Variants in STPG2 observed in about 807,000 individuals in gnomAD.
The protein encoded by STPG2 is sperm tail PG-rich repeat containing 2, also known as sperm-tail PG-rich repeat-containing protein 2.
In STPG2, 56 loss-of-function variants were observed where a neutral mutation model predicts 54.2. The observed-to-expected ratio is 1.03, with a 90% CI of 0.83 to 1.29. The LOEUF is 1.29. Among genes scored for constraint, STPG2 ranks in the 50% most tolerant of loss-of-function variants. The probability of loss-of-function intolerance (pLI) is 0.00; values close to 1 mark genes in which losing one functional copy is unlikely to be tolerated. For missense variants in STPG2, 596 were observed against 544.9 expected (o/e 1.09, Z -0.93); for synonymous variants, 200 against 181.8 (o/e 1.10, Z -0.81).
chr4:97,644,929 G>A (rs1332221827), intron 10 of STPG2, among the ~76,000 whole-genome samples: 1 of 151,952 alleles, frequency 6.6e-6, no homozygotes, highest in Non-Finnish European at 1.5e-5. Flanking sequence ...TTTGGATGCT[G>A]TTATTTTTTC....
In STPG2 at chr4:98,018,702, C is replaced by A. The variant is rs28794840; in HGVS notation, c.613-37384G>T. On this transcript the variant is annotated intron_variant, in intron 5 of 10. Transcript: ENST00000295268. ...CTATTGTTTCCTGACTTTTGAATGA[C>A]TGCCATTCTAAATGGTGTGAGATGG... is the stretch of plus-strand genomic sequence containing the variant. Among the ~76,000 whole-genome samples, 5 of 149,962 alleles carry A rather than the reference C, an allele frequency of 3.3e-5. No individual in the cohort carries two copies. In the South Asian group the frequency reaches 1.1e-3, roughly 32 times the overall value.
chr4:97,594,842 T>C (rs1332563407), intron 10 of STPG2, among the ~76,000 whole-genome samples: 1 of 152,210 alleles, frequency 6.6e-6, no homozygotes, highest in African/African-American at 2.4e-5. Flanking sequence ...TATTCAGTAT[T>C]CTTAAAATGC....
intron 6 of STPG2, 79 bp from the exon 7 acceptor site, chr4:97,972,519 A>G (rs1362970010): frequency 1.2e-6 from 1 of 847,634 alleles, no homozygotes. Context: ...TTTTTAATTA[A>G]GGGTTTTTTT....
chr4:97,933,880 G>GT (rs1732645393), intron 8 of STPG2, among the ~76,000 whole-genome samples: 1 of 152,142 alleles, frequency 6.6e-6, no homozygotes, highest in African/African-American at 2.4e-5. Flanking sequence ...GTTTAAAGTA[G>GT]TTTTTTCTAA....
intron 5 of STPG2, among the ~76,000 whole-genome samples, chr4:98,051,558 C>T (rs894010514): frequency 6.6e-6 from 1 of 152,058 alleles, no homozygotes; most frequent in African/African-American, 2.4e-5. Flanking sequence ...ATACTTTCCA[C>T]CATATTATGA....
At chr4:97,662,876 T>G (rs985344966) in intron 10 of STPG2, among the ~76,000 whole-genome samples, 9 of 152,068 alleles carry the variant, frequency 5.9e-5, no homozygotes, top group African/African-American at 1.7e-4. Flanking sequence ...TACCCCAAAC[T>G]TCAACATCAC....
rs918288255 is a variant in STPG2, at chr4:98,100,537, T to C, written c.612+5416A>G. ...AAGGACTTACTACCTATAACTCATT[T>C]TTATGTACCATCTATTGTAAGGGTG... On this transcript the variant is annotated intron_variant, in intron 5 of 10. Coordinates refer to ENST00000295268, the MANE Select transcript of STPG2 (RefSeq NM_174952.3). 1.6e-4 allele frequency among the ~76,000 whole-genome samples: 24 copies of C among 152,208 alleles called. 1 individual carries two copies. The highest frequency in any genetic ancestry group is 1.3e-3 in the Admixed American group (20 of 15,272).
chr4:98,069,559 G>GA (rs1483292644), intron 5 of STPG2, among the ~76,000 whole-genome samples: 1 of 151,916 alleles, frequency 6.6e-6, no homozygotes, highest in East Asian at 1.9e-4. Context: ...AAAAAAGCAT[G>GA]AAAAATAGAG....
At chr4:98,134,037 A>G (rs1740069699) in intron 2 of STPG2, among the ~76,000 whole-genome samples, 1 of 151,880 alleles carries the variant, frequency 6.6e-6, no homozygotes, top group Non-Finnish European at 1.5e-5. Flanking sequence ...TCTTCTACGC[A>G]TTTTTACTAT....
intron 9 of STPG2, among the ~76,000 whole-genome samples, chr4:97,808,133 G>A (rs960643613): frequency 4.6e-5 from 7 of 151,884 alleles, no homozygotes; most frequent in Non-Finnish European, 8.8e-5. Context: ...AGACTAAAGA[G>A]TATACCTCAG....
In STPG2 at chr4:97,848,592, G is replaced by A. The variant is rs1448016513; in HGVS notation, c.1045-7660C>T. Among the ~76,000 whole-genome samples, 7 of 152,058 alleles carry A rather than the reference G, an allele frequency of 4.6e-5. 1 individual carries two copies. On this transcript the variant is annotated intron_variant, in intron 8 of 10. Coordinates refer to ENST00000295268, the MANE Select transcript of STPG2 (RefSeq NM_174952.3). The stretch of plus-strand genomic sequence containing the variant: ...CTTATATTCTCTCAAGATATTGACT[G>A]TAGCTCCTGTCATAATGTTTTTATT...
chr4:97,906,128 T>G (rs1731406750), intron 8 of STPG2, among the ~76,000 whole-genome samples: 1 of 150,394 alleles, frequency 6.6e-6, no homozygotes, highest in Admixed American at 6.6e-5. Context: ...GCAAGACTAA[T>G]AAGGAAAAAA....
intron 10 of STPG2, among the ~76,000 whole-genome samples, chr4:97,682,260 T>A (rs1220027837): frequency 6.6e-6 from 1 of 151,840 alleles, no homozygotes; most frequent in Non-Finnish European, 1.5e-5. Context: ...CTGTGATAGC[T>A]TAGAATATTC....
At chr4:97,542,772 G>A (rs907587104) in intron 4 of STPG2, among the ~76,000 whole-genome samples, 12 of 152,024 alleles carry the variant, frequency 7.9e-5, no homozygotes, top group African/African-American at 1.4e-4. Flanking sequence ...AATATACACC[G>A]TAGAATACTA....
intron 9 of STPG2, among the ~76,000 whole-genome samples, chr4:97,751,067 AC>A (rs1725568279): frequency 6.6e-6 from 1 of 151,816 alleles, no homozygotes; most frequent in Non-Finnish European, 1.5e-5. Context: ...CCCAAGAAAG[AC>A]CTATCTAATG....
chr4:97,909,708 C>A (rs1370379690), intron 8 of STPG2, among the ~76,000 whole-genome samples: 3 of 151,854 alleles, frequency 2.0e-5, no homozygotes, highest in African/African-American at 7.3e-5. Flanking sequence ...ATAAGTAACC[C>A]AATAGATTTG....
intron 8 of STPG2, among the ~76,000 whole-genome samples, chr4:97,940,090 G>A (rs1732917543): frequency 6.6e-6 from 1 of 152,110 alleles, no homozygotes. Context: ...AAAATTCTTG[G>A]TTGAAGATTT....
intron 8 of STPG2, among the ~76,000 whole-genome samples, chr4:97,850,187 C>T (rs969530626): frequency 7.0e-5 from 10 of 141,968 alleles, no homozygotes; most frequent in South Asian, 2.2e-4. Context: ...AATCAAACAC[C>T]GCGTATTCTC....
At chr4:97,798,480 C>T (rs28796671) in intron 9 of STPG2, among the ~76,000 whole-genome samples, 2 of 152,072 alleles carry the variant, frequency 1.3e-5, no homozygotes, top group Non-Finnish European at 2.9e-5. Context: ...AGATTCTATG[C>T]AGTTGAGCGG....
Sources: allele counts gnomAD v4.1 joint callset (sites outside exome capture counted in the v4.1 genomes callset), GRCh38; gene constraint gnomAD v4.1.1; transcripts MANE v1.5; gene names NCBI Gene and HGNC (gene_info 2026-07-23, HGNC 2026-07-21).